RAP1A: variants seen among roughly 807,000 people sequenced by gnomAD.
The protein encoded by RAP1A is RAP1A, member of RAS oncogene family, also known as ras-related protein Rap-1A.
Under a neutral mutation model 26.4 loss-of-function variants are expected in RAP1A, and 6 were observed. The observed-to-expected ratio is 0.23, with a 90% CI of 0.12 to 0.45. The LOEUF (loss-of-function observed/expected upper bound fraction) is 0.45. RAP1A is among the 20% of genes least tolerant of loss of function. RAP1A has a pLI of 0.99. For synonymous variants in RAP1A, 73 were observed against 79.4 expected (o/e 0.92, Z 0.43); for missense variants, 121 against 217.2 (o/e 0.56, Z 2.78).
chr1:111,608,707 C>G (rs915662393), intron 1 of RAP1A: 4 of 161,074 alleles, frequency 2.5e-5, no homozygotes, highest in African/African-American at 9.6e-5. Context: ...GAGACCAGCC[C>G]GGCCAACACA....
intron 1 of RAP1A, among the ~76,000 whole-genome samples, chr1:111,576,968 C>T (rs915173586): frequency 2.0e-5 from 3 of 152,190 alleles, no homozygotes; most frequent in African/African-American, 7.2e-5. Flanking sequence ...CTTCCAGGTA[C>T]CTGACCACAC....
intron 1 of RAP1A, among the ~76,000 whole-genome samples, chr1:111,586,033 G>T (rs919429862): frequency 2.6e-5 from 4 of 152,022 alleles, no homozygotes; most frequent in African/African-American, 9.7e-5. Context: ...TTTGCTTGTA[G>T]GTATCTTTCT....
chr1:111,545,994 C>T (rs749719234), intron 1 of RAP1A, among the ~76,000 whole-genome samples: 6 of 152,098 alleles, frequency 3.9e-5, no homozygotes, highest in Non-Finnish European at 5.9e-5. Flanking sequence ...TAGCCTTATG[C>T]GAGTACCATA....
chr1:111,685,275 G>A (rs1011465982), intron 1 of RAP1A, among the ~76,000 whole-genome samples: 3 of 152,128 alleles, frequency 2.0e-5, no homozygotes, highest in Non-Finnish European at 4.4e-5. Context: ...TGCCACAAAT[G>A]GGATCTAATT....
Position 111,670,647 on chromosome 1 carries a change from G to T in RAP1A, c.-27-20687G>T, listed in dbSNP as rs76376423. Among the ~76,000 whole-genome samples the T allele has an allele frequency of 7.8e-3, 1,188 of 152,232 alleles. 15 individuals carry two copies. The highest frequency in any genetic ancestry group is 0.028 in the African/African-American group (1,143 of 41,536). The stretch of plus-strand genomic sequence containing the variant: ...AACATCAACAAAGCCAAAGTTGGTT[G>T]TTTGAAAAAGACTAATAAAAGTAAC... On this transcript the variant is annotated intron_variant, in intron 1 of 7. Coordinates refer to ENST00000369709, the MANE Select transcript of RAP1A (RefSeq NM_002884.4).
intron 1 of RAP1A, among the ~76,000 whole-genome samples, chr1:111,605,426 T>C (rs1658750985): frequency 6.6e-6 from 1 of 152,186 alleles, no homozygotes; most frequent in Non-Finnish European, 1.5e-5. Flanking sequence ...TTTCCAATCA[T>C]TTTGGTCTTC....
chr1:111,686,849 TTATATC>T (rs926249594), intron 1 of RAP1A, among the ~76,000 whole-genome samples: 1 of 152,110 alleles, frequency 6.6e-6, no homozygotes, highest in Admixed American at 6.5e-5. Flanking sequence ...AAAAATATTT[TTATATC>T]TATATATCTT....
At chr1:111,601,419 G>A (rs945833241) in intron 1 of RAP1A, among the ~76,000 whole-genome samples, 1 of 152,154 alleles carries the variant, frequency 6.6e-6, no homozygotes, top group Admixed American at 6.5e-5. Context: ...GGAAAGGGAG[G>A]AATAAAGCTA....
intron 7 of RAP1A, 53 bp downstream of exon 7, chr1:111,709,317 T>C: frequency 6.7e-7 from 1 of 1,482,322 alleles, no homozygotes; most frequent in Non-Finnish European, 9.0e-7. Flanking sequence ...ATTTTGGCTT[T>C]TTCCAGACTT....
chr1:111,688,026 CA>C (rs58107878), intron 1 of RAP1A, among the ~76,000 whole-genome samples: 1,745 of 51,578 alleles, frequency 0.034, 4 homozygotes, highest in Non-Finnish European at 0.04. Flanking sequence ...GACCCTGTCT[CA>C]AAAAAAAAAA....
chr1:111,634,783 T>C (rs923781777), intron 1 of RAP1A, among the ~76,000 whole-genome samples: 6 of 152,010 alleles, frequency 3.9e-5, no homozygotes, highest in African/African-American at 1.4e-4. Context: ...TAGCTGGGAT[T>C]ACAGGCACGC....
intron 1 of RAP1A, among the ~76,000 whole-genome samples, chr1:111,597,681 G>A (rs918776376): frequency 2.0e-5 from 3 of 152,130 alleles, no homozygotes; most frequent in East Asian, 1.9e-4. Context: ...AAATGCCTCC[G>A]ACAGACCACA....
chr1:111,675,514 C>G (rs1044698081), intron 1 of RAP1A, among the ~76,000 whole-genome samples: 2 of 152,048 alleles, frequency 1.3e-5, no homozygotes, highest in South Asian at 4.1e-4. Context: ...CTCCTCTGTT[C>G]GTCCATCCTT....
chr1:111,670,903 T>A (rs1016990856), intron 1 of RAP1A, among the ~76,000 whole-genome samples: 1 of 152,248 alleles, frequency 6.6e-6, no homozygotes, highest in African/African-American at 2.4e-5. Context: ...AAAATTTTAC[T>A]CTTGAATATG....
intron 1 of RAP1A, among the ~76,000 whole-genome samples, chr1:111,587,545 C>T (rs1658399296): frequency 6.6e-6 from 1 of 152,100 alleles, no homozygotes; most frequent in Non-Finnish European, 1.5e-5. Flanking sequence ...CCAAGCTTCC[C>T]CTCTACTTGA....
chr1:111,702,845 T>G (rs190748516), intron 4 of RAP1A, among the ~76,000 whole-genome samples: 7 of 152,204 alleles, frequency 4.6e-5, no homozygotes, highest in Non-Finnish European at 2.9e-5. Context: ...CAGGTGTGAG[T>G]CATTGCCCCT....
chr1:111,569,678 A>G (rs1658008931), intron 1 of RAP1A, among the ~76,000 whole-genome samples: 1 of 151,940 alleles, frequency 6.6e-6, no homozygotes, highest in African/African-American at 2.4e-5. Context: ...GACTTCATGA[A>G]TGTCTCCAAG....
rs1395056388 is a variant in RAP1A at position 111,563,889 on chromosome 1, C to T, written c.-28+21380C>T. On this transcript the variant is annotated intron_variant, in intron 1 of 7. Coordinates refer to the RAP1A transcript ENST00000356415. Reference sequence around the variant, plus strand: ...CAGCCCAGTGTCCAGTCTGGCTGCTCTTCCCAGGAGCTTTCCCACCTGGCC... The same window carrying T: ...CAGCCCAGTGTCCAGTCTGGCTGCTTTTCCCAGGAGCTTTCCCACCTGGCC... 3.7e-6 allele frequency: 6 copies of T among 1,613,676 alleles called. No homozygotes were observed. The African/African-American group carries it at 5.3e-5, about 14-fold the overall frequency.
intron 2 of RAP1A, among the ~76,000 whole-genome samples, chr1:111,693,288 T>C (rs983824265): frequency 1.3e-5 from 2 of 152,066 alleles, no homozygotes; most frequent in Admixed American, 6.6e-5. Context: ...AAATGGAATA[T>C]AGACATTTGA....
Sources: gnomAD v4.1 joint callset for allele counts (sites outside exome capture counted in the v4.1 genomes callset) on GRCh38, gnomAD v4.1.1 for gene constraint, MANE v1.5 for transcripts, NCBI Gene and HGNC (gene_info 2026-07-23, HGNC 2026-07-21) for gene names.